BCAS1: variants seen among roughly 807,000 people sequenced by gnomAD.
The protein encoded by BCAS1 is brain enriched myelin associated protein 1.
Under a neutral mutation model 65.4 loss-of-function variants are expected in BCAS1, and 46 were observed. The observed-to-expected ratio is 0.70, with a 90% CI of 0.55 to 0.90. The LOEUF is 0.90. Among genes scored for constraint, BCAS1 ranks in the 40% least tolerant of loss-of-function variants. BCAS1 has a pLI of 0.00. For missense variants in BCAS1, 793 were observed against 771.2 expected (o/e 1.03, Z -0.33); for synonymous variants, 298 against 293.5 (o/e 1.02, Z -0.16).
At chr20:54,069,016 G>A (rs1408717390) in intron 1 of BCAS1, among the ~76,000 whole-genome samples, 1 of 152,130 alleles carries the variant, frequency 6.6e-6, no homozygotes, top group African/African-American at 2.4e-5. Flanking sequence ...ACCCTTCTGG[G>A]TTCCAGAACT....
intron 10 of BCAS1, among the ~76,000 whole-genome samples, chr20:53,963,252 C>T (rs953383833): frequency 2.0e-5 from 3 of 151,618 alleles, no homozygotes; most frequent in South Asian, 2.1e-4. Flanking sequence ...GAGTCCGAGG[C>T]GGGTGGATCA....
rs557558034 is a variant in BCAS1, at chr20:54,015,333, CTTTT to C, written c.723+13055_723+13058del. The stretch of plus-strand genomic sequence containing the variant: ...AGGCATGAGCCACCATGCCCAAACT[CTTTT>C]TTTTTTTAAGTTTGTTTTACTACAG... On this transcript the variant is annotated intron_variant, in intron 4 of 12. Transcript: ENST00000688948. 2.6e-3 allele frequency among the ~76,000 whole-genome samples: 391 copies of C among 147,998 alleles called. 2 individuals carry two copies. The highest frequency in any genetic ancestry group is 9.5e-3 in the African/African-American group (384 of 40,454).
rs2090849823 is a variant in BCAS1 at position 53,994,497 on chromosome 20, C to T, written c.927+515G>A. Among the ~76,000 whole-genome samples the T allele has an allele frequency of 4.6e-5, 7 of 152,286 alleles. 1 individual carries two copies. The highest frequency in any genetic ancestry group is 6.8e-3 in the Middle Eastern group (2 of 294). ...GAAACTATTCTATTTCACCAAACCACTGCCTTTGCAGTAAAGATTTATTTA... is the reference window on the plus strand; with the variant it reads ...GAAACTATTCTATTTCACCAAACCATTGCCTTTGCAGTAAAGATTTATTTA... On this transcript the variant is annotated intron_variant, in intron 6 of 12. Coordinates refer to ENST00000688948, the MANE Select transcript of BCAS1 (RefSeq NM_001366298.2).
In BCAS1 at chr20:54,041,452, C is replaced by G. The variant is rs1395521862; in HGVS notation, c.143-12480G>C. On this transcript the variant is annotated intron_variant, in intron 3 of 12. Coordinates refer to ENST00000688948, the MANE Select transcript of BCAS1 (RefSeq NM_001366298.2). ...TTCACAGGAAAAGACATGCAGCCAG[C>G]TTTTAAGCAGAAGAAAAGATGTTTG... Among the ~76,000 whole-genome samples the G allele has an allele frequency of 6.4e-5, 9 of 140,974 alleles. 1 individual carries two copies. Among genetic ancestry groups the G allele is most frequent in the Admixed American group, 6.4e-4 (9 of 14,162 alleles). The allele number at this position is 140,974 out of a possible 152,430, so 92.5% of individuals were successfully genotyped here. A position where few individuals can be genotyped will look rare whatever the true frequency, so the allele number is the denominator to read the frequency against.
chr20:54,047,392 T>C (rs1165130590), intron 3 of BCAS1, among the ~76,000 whole-genome samples: 2 of 152,094 alleles, frequency 1.3e-5, no homozygotes, highest in African/African-American at 2.4e-5. Flanking sequence ...GCGTGGTGGG[T>C]TGTATGTGTG....
At chr20:53,981,539 C>CTT (rs36063430) in intron 8 of BCAS1, among the ~76,000 whole-genome samples, 24 of 130,764 alleles carry the variant, frequency 1.8e-4, no homozygotes, top group East Asian at 6.6e-4. Context: ...ATTTGGCGTT[C>CTT]TTTTTTTTTT....
At chr20:53,994,896 C>G in intron 6 of BCAS1, 116 bp downstream of exon 6, 22 of 450,328 alleles carry the variant, frequency 4.9e-5, no homozygotes, top group Non-Finnish European at 7.7e-5. Context: ...GATACACACA[C>G]ACACACACAC....
At chr20:54,041,280 T>TA (rs1231936051) in intron 3 of BCAS1, among the ~76,000 whole-genome samples, 1 of 151,328 alleles carries the variant, frequency 6.6e-6, no homozygotes, top group Non-Finnish European at 1.5e-5. Flanking sequence ...CAAATATCCT[T>TA]AAAATCACGG....
chr20:54,066,271 C>T (rs371941849), intron 1 of BCAS1, among the ~76,000 whole-genome samples: 1 of 152,112 alleles, frequency 6.6e-6, no homozygotes, highest in African/African-American at 2.4e-5. Flanking sequence ...ACGGGGTTTC[C>T]CCGTGTTAGC....
chr20:53,964,115 T>C (rs901845235), intron 10 of BCAS1, among the ~76,000 whole-genome samples: 12 of 152,160 alleles, frequency 7.9e-5, no homozygotes, highest in African/African-American at 2.9e-4. Flanking sequence ...ATGCAAAAAG[T>C]TGAAAACATA....
At chr20:53,961,155 A>G (rs2089867243) in intron 10 of BCAS1, among the ~76,000 whole-genome samples, 1 of 152,250 alleles carries the variant, frequency 6.6e-6, no homozygotes, top group African/African-American at 2.4e-5. Flanking sequence ...GAATGTTTGA[A>G]CCATCTCCAA....
intron 10 of BCAS1, among the ~76,000 whole-genome samples, chr20:53,962,315 G>A (rs1051259520): frequency 6.6e-6 from 1 of 152,062 alleles, no homozygotes; most frequent in Non-Finnish European, 1.5e-5. Flanking sequence ...TCCTCATTTG[G>A]ACTTTTAATT....
intron 3 of BCAS1, among the ~76,000 whole-genome samples, chr20:54,057,598 G>A (rs1042274567): frequency 1.1e-4 from 17 of 152,288 alleles, no homozygotes; most frequent in African/African-American, 4.1e-4. Context: ...GAATCATATT[G>A]CCCCCAAAGA....
At chr20:54,065,113 C>CATTTATCT (rs2092420412) in intron 1 of BCAS1, among the ~76,000 whole-genome samples, 1 of 144,176 alleles carries the variant, frequency 6.9e-6, no homozygotes, top group Non-Finnish European at 1.5e-5. Flanking sequence ...ATCTATCTAT[C>CATTTATCT]ATCTATCTAT....
rs2090045653 is a variant in BCAS1, at chr20:53,966,924, C to T, written c.1467G>A (p.Met489Ile). The change falls in exon 10 of 13, where the codon ATG becomes ATA. Residue 489 changes from methionine (M) to isoleucine (I), a missense_variant. By Grantham distance (10) the Met-to-Ile change is conservative. Coordinates refer to ENST00000688948, the MANE Select transcript of BCAS1 (RefSeq NM_001366298.2). ...REESKPRTSLMAFLRQMSVKG... is the reference protein window; with the variant it reads ...REESKPRTSLIAFLRQMSVKG... The stretch of plus-strand genomic sequence containing the variant: ...GGCTTACCATTTGTCTGAGAAACGC[C>T]ATCAGAGAGGTTCTTGGTTTGCTTT... The T allele has an allele frequency of 6.2e-7, 1 of 1,610,658 alleles. No homozygotes were observed. The highest frequency in any genetic ancestry group is 1.3e-5 in the African/African-American group (1 of 74,616).
intron 9 of BCAS1, among the ~76,000 whole-genome samples, chr20:53,969,411 CG>C (rs1304567611): frequency 1.3e-5 from 2 of 151,812 alleles, no homozygotes; most frequent in African/African-American, 4.8e-5. Context: ...GGTATTGTAC[CG>C]GGTGTTTAAT....
At chr20:53,958,620 G>A (rs866105423) in intron 10 of BCAS1, among the ~76,000 whole-genome samples, 5 of 152,176 alleles carry the variant, frequency 3.3e-5, no homozygotes, top group Non-Finnish European at 5.9e-5. Flanking sequence ...TCTGAGCTAC[G>A]GTGTTCACAT....
intron 4 of BCAS1, among the ~76,000 whole-genome samples, chr20:54,025,472 A>C (rs1284515103): frequency 6.6e-6 from 1 of 152,156 alleles, no homozygotes; most frequent in Non-Finnish European, 1.5e-5. Context: ...CCTTGTTTTA[A>C]TTATGCTTTG....
At chr20:54,016,135 C>T (rs1253353731) in intron 4 of BCAS1, among the ~76,000 whole-genome samples, 1 of 152,200 alleles carries the variant, frequency 6.6e-6, no homozygotes, top group Non-Finnish European at 1.5e-5. Flanking sequence ...TATACTATCA[C>T]TTTCTTCACC....
Sources: gnomAD v4.1 joint callset for allele counts (sites outside exome capture counted in the v4.1 genomes callset) on GRCh38, gnomAD v4.1.1 for gene constraint, MANE v1.5 for transcripts, NCBI Gene and HGNC (gene_info 2026-07-23, HGNC 2026-07-21) for gene names.